The following FSTL5 variants were observed in gnomAD, a reference collection of about 807,000 sequenced individuals.
FSTL5 encodes the protein follistatin like 5.
FSTL5 carries 62 observed loss-of-function variants against 89.1 expected under a neutral mutation model. That is an observed-to-expected ratio of 0.70 (90% CI 0.57 to 0.86). FSTL5 has a LOEUF of 0.86. Ranked by LOEUF, FSTL5 falls within the 40% of genes least tolerant of loss-of-function variation. The probability of loss-of-function intolerance (pLI) is 0.00; values close to 1 mark genes in which losing one functional copy is unlikely to be tolerated. For synonymous variants in FSTL5, 383 were observed against 346.2 expected (o/e 1.11, Z -1.18); for missense variants, 1,057 against 1,001.6 (o/e 1.06, Z -0.75).
At chr4:161,510,889 T>C (rs926481987) in intron 10 of FSTL5, among the ~76,000 whole-genome samples, 4 of 151,942 alleles carry the variant, frequency 2.6e-5, no homozygotes, top group African/African-American at 9.7e-5. Context: ...TTCTTGTAAA[T>C]CCAAGATCTT....
At position 161,920,457 on chromosome 4, in the gene FSTL5, C is replaced by A. The variant is rs757654317; in HGVS notation, c.356G>T (p.Cys119Phe). 2.5e-6 allele frequency: 4 copies of A among 1,613,854 alleles called. No individual in the cohort carries two copies. Among genetic ancestry groups the A allele is most frequent in the Non-Finnish European group, 2.5e-6 (3 of 1,179,910 alleles). Residue 119 changes from cysteine to phenylalanine, a missense_variant, in exon 4 of 16, where the codon TGC (cysteine) becomes TTC (phenylalanine). Physicochemically the swap from Cys to Phe is radical, Grantham distance 205. This residue lies in a region of FSTL5 where 980 missense variants were observed against 903.2 expected (regional missense o/e 1.08). Coordinates refer to ENST00000306100, the MANE Select transcript of FSTL5 (RefSeq NM_020116.5). ...ENHCEVHRAA[C>F]LKKQKITIVH... ...AATGGTAATCTTTTGTTTTTTCAGG[C>A]AAGCAGCTCTGTGCACTTCACAGTG...
intron 6 of FSTL5, among the ~76,000 whole-genome samples, chr4:161,738,214 G>A (rs759579901): frequency 5.9e-5 from 9 of 151,982 alleles, no homozygotes; most frequent in East Asian, 3.9e-4. Flanking sequence ...TCAATTTTAC[G>A]TAAAGAAAAT....
intron 2 of FSTL5, among the ~76,000 whole-genome samples, chr4:162,066,790 C>A (rs1465900538): frequency 6.6e-6 from 1 of 152,026 alleles, no homozygotes. Context: ...GCATAGTATT[C>A]CATGGTGTCT....
intron 13 of FSTL5, among the ~76,000 whole-genome samples, chr4:161,461,944 AAT>A (rs928377023): frequency 3.3e-5 from 5 of 152,180 alleles, no homozygotes; most frequent in South Asian, 2.1e-4. Context: ...TAAAAAAAAA[AAT>A]CTCATTGTTA....
rs1186245696 is a variant in FSTL5, at chr4:161,474,682, A to T, written c.1608+6338T>A. On this transcript the variant is annotated intron_variant, in intron 13 of 15. Transcript: ENST00000306100. ...TGCCTCAGCCACCTAAGTAGCTGGG[A>T]CTACAGGCACCCGCCACCACGCCTG... Among the ~76,000 whole-genome samples, 3 of 151,656 alleles carry T rather than the reference A, an allele frequency of 2.0e-5. No individual in the cohort carries two copies. In the East Asian group the frequency reaches 5.9e-4, roughly 30 times the overall value.
intron 4 of FSTL5, among the ~76,000 whole-genome samples, chr4:161,821,035 C>G (rs573936798): frequency 1.3e-5 from 2 of 150,582 alleles, no homozygotes; most frequent in East Asian, 1.9e-4. Context: ...AACAAGTTTT[C>G]TTTGTTTGTT....
intron 3 of FSTL5, among the ~76,000 whole-genome samples, chr4:162,017,290 C>T (rs1736941802): frequency 6.6e-6 from 1 of 152,114 alleles, no homozygotes; most frequent in Admixed American, 6.5e-5. Context: ...AAGCCAAATT[C>T]TTTACAACAT....
intron 4 of FSTL5, among the ~76,000 whole-genome samples, chr4:161,887,760 C>A (rs915239620): frequency 2.0e-5 from 3 of 152,070 alleles, no homozygotes; most frequent in Admixed American, 6.6e-5. Flanking sequence ...TCATTTTCTC[C>A]TTAAGACTAG....
chr4:161,873,048 C>A (rs1432273886), intron 4 of FSTL5, among the ~76,000 whole-genome samples: 2 of 152,112 alleles, frequency 1.3e-5, no homozygotes, highest in Non-Finnish European at 1.5e-5. Flanking sequence ...GGGCTAGAGA[C>A]AAAATGTGTG....
At chr4:162,107,076 G>A (rs1731252453) in intron 2 of FSTL5, among the ~76,000 whole-genome samples, 1 of 152,158 alleles carries the variant, frequency 6.6e-6, no homozygotes, top group Admixed American at 6.5e-5. Flanking sequence ...AAGCACAAAA[G>A]TGCCAAGACA....
At chr4:161,621,618 T>C (rs958545604) in intron 7 of FSTL5, among the ~76,000 whole-genome samples, 1 of 151,920 alleles carries the variant, frequency 6.6e-6, no homozygotes, top group African/African-American at 2.4e-5. Flanking sequence ...TTTATTTACT[T>C]GAAAAGATTG....
intron 1 of FSTL5, among the ~76,000 whole-genome samples, chr4:162,124,856 C>T (rs756107884): frequency 6.6e-6 from 1 of 152,178 alleles, no homozygotes; most frequent in African/African-American, 2.4e-5. Flanking sequence ...CCCGCCACCA[C>T]GTCCAGCTAA....
intron 9 of FSTL5, among the ~76,000 whole-genome samples, chr4:161,538,658 T>C (rs1578909071): frequency 2.6e-5 from 4 of 152,310 alleles, no homozygotes; most frequent in Admixed American, 2.6e-4. Flanking sequence ...AGAAATCTAA[T>C]AATAGCAATA....
Position 162,111,344 on chromosome 4 carries a change from G to C in FSTL5, c.53C>G (p.Ser18Trp). The C allele has an allele frequency of 6.2e-7, 1 of 1,611,792 alleles. No individual in the cohort carries two copies. The highest frequency in any genetic ancestry group is 8.5e-7 in the Non-Finnish European group (1 of 1,178,440). Residue 18 changes from serine to tryptophan, a missense_variant, in exon 2 of 16, where the codon TCG becomes TGG. Physicochemically the swap from Ser to Trp is radical, Grantham distance 177. Transcript: ENST00000306100. ...TCCTTCTTTGGTTGGCCTTCCTTCC[G>C]ACTCCAGAAAAATGAATCCGAGAAC... ...VLVLGFIFLE[S>W]EGRPTKEGGY...
intron 7 of FSTL5, among the ~76,000 whole-genome samples, chr4:161,620,808 AATG>A (rs1441016683): frequency 6.6e-6 from 1 of 152,224 alleles, no homozygotes; most frequent in African/African-American, 2.4e-5. Context: ...TCAATATTAA[AATG>A]ATGAATATAA....
At chr4:161,734,590 C>T (rs1156565731) in intron 6 of FSTL5, among the ~76,000 whole-genome samples, 1 of 152,046 alleles carries the variant, frequency 6.6e-6, no homozygotes, top group Non-Finnish European at 1.5e-5. Context: ...TTAATGTGTA[C>T]CTCAAATCAA....
At chr4:161,874,864 G>A (rs907619840) in intron 4 of FSTL5, among the ~76,000 whole-genome samples, 6 of 151,960 alleles carry the variant, frequency 3.9e-5, no homozygotes, top group African/African-American at 7.2e-5. Context: ...CGTTATTCAA[G>A]CCAGAAAGTG....
chr4:161,670,103 C>G (rs989793823), intron 6 of FSTL5, among the ~76,000 whole-genome samples: 3 of 152,146 alleles, frequency 2.0e-5, no homozygotes, highest in African/African-American at 7.2e-5. Context: ...GCAGAATTAA[C>G]TTACCATCTT....
intron 7 of FSTL5, among the ~76,000 whole-genome samples, chr4:161,632,843 T>C (rs1041551620): frequency 6.6e-6 from 1 of 152,156 alleles, no homozygotes; most frequent in Non-Finnish European, 1.5e-5. Flanking sequence ...AACAAGGGAA[T>C]TTAAACGAGG....
Sources: gnomAD v4.1 joint callset for allele counts (sites outside exome capture counted in the v4.1 genomes callset) on GRCh38, gnomAD v4.1.1 for gene constraint, gnomAD v4.1.1 regional missense constraint, MANE v1.5 for transcripts, NCBI Gene and HGNC (gene_info 2026-07-23, HGNC 2026-07-21) for gene names.